The following PHF24 variants were observed in gnomAD, a reference collection of about 807,000 sequenced individuals.
PHF24 encodes Galpha inhibitory interacting protein.
Under a neutral mutation model 42.6 loss-of-function variants are expected in PHF24, and 25 were observed. That is an observed-to-expected ratio of 0.59 (90% CI 0.43 to 0.82). The LOEUF is 0.82. PHF24 is among the 40% of genes least tolerant of loss of function. The probability of loss-of-function intolerance (pLI) is 0.00; values close to 1 mark genes in which losing one functional copy is unlikely to be tolerated. For missense variants in PHF24, 470 were observed against 538.1 expected (o/e 0.87, Z 1.25); for synonymous variants, 185 against 204.8 (o/e 0.90, Z 0.83).
chr9:34,935,735 TG>T, the PHF24 span, among the ~76,000 whole-genome samples: 138 of 121,048 alleles, frequency 1.1e-3, 1 homozygote, highest in South Asian at 0.018. Context: ...TATTTGTGTG[TG>T]GGGGGGGGGT....
chr9:34,811,622 C>T, the PHF24 span, among the ~76,000 whole-genome samples: 1 of 152,112 alleles, frequency 6.6e-6, no homozygotes, highest in Non-Finnish European at 1.5e-5. Flanking sequence ...ACAAAATAGA[C>T]TAAGACAAGG....
the PHF24 span, among the ~76,000 whole-genome samples, chr9:34,695,716 T>C: frequency 3.3e-5 from 5 of 152,302 alleles, no homozygotes; most frequent in South Asian, 1.0e-3. Flanking sequence ...GATAATTTCT[T>C]GGTGGGGAGA....
chr9:34,835,251 TGTGAAGAGA>T, the PHF24 span: 2 of 1,552,182 alleles, frequency 1.3e-6, no homozygotes, highest in African/African-American at 1.4e-5. Context: ...GTCTCAGATC[TGTGAAGAGA>T]GACCTGAGAA....
the PHF24 span, among the ~76,000 whole-genome samples, chr9:34,677,389 G>GTTTTTTTTTTTTT: frequency 1.5e-4 from 12 of 79,776 alleles, 1 homozygote; most frequent in Admixed American, 1.6e-4. Context: ...TTTGTAAACT[G>GTTTTTTTTTTTTT]TTTTTTTTTT....
chr9:34,809,295 G>A, the PHF24 span, among the ~76,000 whole-genome samples: 5 of 152,106 alleles, frequency 3.3e-5, no homozygotes, highest in Non-Finnish European at 7.4e-5. The surrounding 1 kb of genome is among the most constrained non-coding windows in gnomAD (Gnocchi z 4.1). Context: ...CATTTCATTT[G>A]TACTTCTTCA....
chr9:34,915,020 T>C, the PHF24 span, among the ~76,000 whole-genome samples: 6 of 136,700 alleles, frequency 4.4e-5, no homozygotes, highest in Non-Finnish European at 9.3e-5. Flanking sequence ...ATTTCTTTTT[T>C]CTTTTCTTTT....
chr9:34,821,054 G>A, the PHF24 span, among the ~76,000 whole-genome samples: 1 of 152,062 alleles, frequency 6.6e-6, no homozygotes, highest in African/African-American at 2.4e-5. Flanking sequence ...GTCTGTTCAT[G>A]TCCTTTGCCC....
At chr9:34,766,485 G>A in the PHF24 span, among the ~76,000 whole-genome samples, 2 of 152,046 alleles carry the variant, frequency 1.3e-5, no homozygotes, top group Admixed American at 6.5e-5. Flanking sequence ...TCTTCCAGAT[G>A]GTCTCATCAG....
the PHF24 span, chr9:34,726,594 C>T: frequency 6.4e-7 from 1 of 1,551,654 alleles, no homozygotes; most frequent in Non-Finnish European, 8.7e-7. Flanking sequence ...GTGTTTGGGC[C>T]CCGGAGCACA....
At chr9:34,814,684 A>T in the PHF24 span, among the ~76,000 whole-genome samples, 1 of 152,222 alleles carries the variant, frequency 6.6e-6, no homozygotes, top group African/African-American at 2.4e-5. Flanking sequence ...TTCTGCCAGC[A>T]TTCATGAAAC....
the PHF24 span, among the ~76,000 whole-genome samples, chr9:34,760,035 C>T: frequency 6.6e-6 from 1 of 152,172 alleles, no homozygotes; most frequent in African/African-American, 2.4e-5. Context: ...GCATTTCTCA[C>T]GATGTGGGCA....
the PHF24 span, among the ~76,000 whole-genome samples, chr9:34,877,280 CAA>C: frequency 3.1e-4 from 35 of 114,320 alleles, no homozygotes; most frequent in Non-Finnish European, 2.9e-4. Context: ...GACTCTGTCT[CAA>C]AAAAAAAAAA....
At chr9:34,925,467 A>G in the PHF24 span, among the ~76,000 whole-genome samples, 1 of 151,974 alleles carries the variant, frequency 6.6e-6, no homozygotes, top group African/African-American at 2.4e-5. Flanking sequence ...CTTCTCTTCT[A>G]CTTCAGGAAC....
intron 1 of PHF24, among the ~76,000 whole-genome samples, chr9:34,963,203 G>A (rs1468618414): frequency 3.3e-5 from 5 of 151,748 alleles, no homozygotes; most frequent in African/African-American, 1.2e-4. Flanking sequence ...GAGAACAATC[G>A]GACCCCTCGG....
At chr9:34,889,589 G>T in the PHF24 span, 1 of 398,472 alleles carries the variant, frequency 2.5e-6, no homozygotes, top group African/African-American at 2.1e-5. Context: ...GGTTAATCCA[G>T]TGCAGAAACA....
At chr9:34,766,138 T>G in the PHF24 span, among the ~76,000 whole-genome samples, 2 of 152,214 alleles carry the variant, frequency 1.3e-5, no homozygotes, top group African/African-American at 2.4e-5. Context: ...TTAATATTTT[T>G]TCCTTCATTT....
At chr9:34,948,057 C>T in the PHF24 span, among the ~76,000 whole-genome samples, 21 of 149,468 alleles carry the variant, frequency 1.4e-4, no homozygotes, top group East Asian at 3.9e-3. Context: ...TGCAGTGAGC[C>T]GAGATCGCAC....
the PHF24 span, among the ~76,000 whole-genome samples, chr9:34,936,046 C>T: frequency 2.0e-5 from 3 of 151,206 alleles, no homozygotes; most frequent in African/African-American, 7.3e-5. Context: ...GCTCCCGCTC[C>T]CACCCCCTCT....
chr9:34,978,204 T>C lies in PHF24; in HGVS notation c.*93T>C, dbSNP rs1439196817. 3.1e-6 allele frequency: 3 copies of C among 978,884 alleles called. No individual in the cohort carries two copies. In the Admixed American group the frequency reaches 5.4e-5, roughly 18 times the overall value. 60.6% of individuals were successfully genotyped at this position (978,884 alleles called of 1,614,324 possible). ...CACCAACCTCTGGCACAGAGACTCATGGGGTTGGGACACTGCCAGCGTCTT... is the reference window on the plus strand; with the variant it reads ...CACCAACCTCTGGCACAGAGACTCACGGGGTTGGGACACTGCCAGCGTCTT... On this transcript the variant is annotated 3_prime_UTR_variant, in exon 8 of 8. Transcript: ENST00000242315.
Sources: allele counts gnomAD v4.1 joint callset (sites outside exome capture counted in the v4.1 genomes callset), GRCh38; gene constraint gnomAD v4.1.1; non-coding constraint Gnocchi (gnomAD v3.1); transcripts MANE v1.5; gene names NCBI Gene and HGNC (gene_info 2026-07-23, HGNC 2026-07-21).